RAB3B: variants seen among roughly 807,000 people sequenced by gnomAD.
RAB3B encodes the protein RAB3B, member RAS oncogene family, also known as ras-related protein Rab-3B.
RAB3B carries 11 observed loss-of-function variants against 20.5 expected under a neutral mutation model. The ratio of observed to expected loss-of-function variants is 0.54; its 90% CI spans 0.34 to 0.89. RAB3B has a LOEUF of 0.89. RAB3B is among the 40% of genes least tolerant of loss of function. The pLI is 0.02. For missense variants in RAB3B, 225 were observed against 280.9 expected (o/e 0.80, Z 1.42); for synonymous variants, 99 against 106.3 (o/e 0.93, Z 0.42).
At chr1:51,980,503 G>C (rs1685072846) in intron 1 of RAB3B, 1 of 716,262 alleles carries the variant, frequency 1.4e-6, no homozygotes, top group Non-Finnish European at 2.6e-6. Context: ...CAATGGTCAT[G>C]CCAAAAAGGC....
chr1:51,933,484 A>C, intron 3 of RAB3B, 42 bp from the exon 4 acceptor site: 1 of 1,568,530 alleles, frequency 6.4e-7, no homozygotes, highest in Non-Finnish European at 8.7e-7. Context: ...ATATTCCTAT[A>C]GACTGAATGT....
chr1:51,942,947 T>C lies in RAB3B; in HGVS notation c.229-5535A>G, dbSNP rs139133179. Among the ~76,000 whole-genome samples the C allele has an allele frequency of 2.0e-3, 310 of 152,312 alleles. 1 individual carries two copies. Among genetic ancestry groups the C allele is most frequent in the African/African-American group, 7.1e-3 (296 of 41,564 alleles). On this transcript the variant is annotated intron_variant, in intron 2 of 4. Coordinates refer to ENST00000371655, the MANE Select transcript of RAB3B (RefSeq NM_002867.4). ...CTATTGTAATTGCTTTGGGGTGCCATGAACCACACCCATATTAAGGCAGTG... is the reference window on the plus strand; with the variant it reads ...CTATTGTAATTGCTTTGGGGTGCCACGAACCACACCCATATTAAGGCAGTG...
At chr1:51,957,070 T>C (rs1001312639) in intron 2 of RAB3B, among the ~76,000 whole-genome samples, 1 of 147,698 alleles carries the variant, frequency 6.8e-6, no homozygotes, top group Non-Finnish European at 1.5e-5. Flanking sequence ...ATAAACTCTT[T>C]TCATGGTTTT....
intron 1 of RAB3B, among the ~76,000 whole-genome samples, chr1:51,990,118 C>G (rs1336565486): frequency 7.2e-5 from 9 of 125,848 alleles, no homozygotes; most frequent in Non-Finnish European, 1.2e-4. Flanking sequence ...CACCCCCGCT[C>G]TAGCTCCCCT....
Position 51,912,120 on chromosome 1 carries a change from CTTT to C in RAB3B, c.*7804_*7806del, listed in dbSNP as rs958329774. 15 of 131,836 alleles carry C rather than the reference CTTT, an allele frequency of 1.1e-4. No homozygotes were observed. Among genetic ancestry groups the C allele is most frequent in the African/African-American group, 1.4e-4 (5 of 35,732 alleles). The allele number at this position is 131,836 out of a possible 1,614,324, so 8.2% of individuals were successfully genotyped here. A position where few individuals can be genotyped will look rare whatever the true frequency, so the allele number is the denominator to read the frequency against. On this transcript the variant is annotated 3_prime_UTR_variant, in exon 5 of 5. Transcript: ENST00000371655. Reference sequence around the variant, plus strand: ...TCTTCTTTTTTTTCTTTCTTTCTTTCTTTTTTTTTTTTTTTTGAGAGGGGGACA... The same window carrying C: ...TCTTCTTTTTTTTCTTTCTTTCTTTCTTTTTTTTTTTTTGAGAGGGGGACA...
intron 3 of RAB3B, among the ~76,000 whole-genome samples, chr1:51,934,810 T>C (rs1042269455): frequency 4.0e-5 from 6 of 151,472 alleles, no homozygotes; most frequent in Non-Finnish European, 8.8e-5. Context: ...CTTTTCAAAT[T>C]TCTGTACTTT....
intron 2 of RAB3B, among the ~76,000 whole-genome samples, chr1:51,972,110 G>A (rs541474060): frequency 3.3e-5 from 5 of 152,310 alleles, no homozygotes; most frequent in African/African-American, 1.2e-4. Context: ...GGGAGGTGGA[G>A]GTTGCAGTGA....
Position 51,976,729 on chromosome 1 carries a change from T to C in RAB3B, c.228+161A>G, listed in dbSNP as rs139096265. 7.2e-5 allele frequency among the ~76,000 whole-genome samples: 11 copies of C among 152,252 alleles called. No homozygotes were observed. In the East Asian group the frequency reaches 2.1e-3, roughly 29 times the overall value. On this transcript the variant is annotated intron_variant, in intron 2 of 4. Coordinates refer to ENST00000371655, the MANE Select transcript of RAB3B (RefSeq NM_002867.4). ...GAACCCCTGGAGGAGAGCAAACTTG[T>C]ATAAAACTAGCAGAGGGTAGCCCAG... is the stretch of plus-strand genomic sequence containing the variant.
chr1:51,989,472 A>C (rs1468299901), intron 1 of RAB3B, among the ~76,000 whole-genome samples: 1 of 151,794 alleles, frequency 6.6e-6, no homozygotes, highest in African/African-American at 2.4e-5. Flanking sequence ...AGTGGCCGAG[A>C]CACCGCTAGT....
chr1:51,957,928 T>G lies in RAB3B; in HGVS notation c.228+18962A>C, dbSNP rs192776221. The stretch of plus-strand genomic sequence containing the variant: ...AACACACCGGTGGGGGAGGCCGGTA[T>G]CCTGAGAGGACATATTCTCTCCTCA... On this transcript the variant is annotated intron_variant, in intron 2 of 4. Coordinates refer to ENST00000371655, the MANE Select transcript of RAB3B (RefSeq NM_002867.4). Among the ~76,000 whole-genome samples the G allele has an allele frequency of 2.6e-5, 4 of 152,338 alleles. No individual in the cohort carries two copies. The East Asian group carries it at 7.7e-4, about 29-fold the overall frequency.
chr1:51,920,143 C>G, intron 4 of RAB3B, 29 bp from the exon 5 acceptor site: 1 of 1,573,870 alleles, frequency 6.4e-7, no homozygotes, highest in Non-Finnish European at 8.7e-7. Flanking sequence ...CAGATAAGGA[C>G]TTTTCCCATC....
In RAB3B at chr1:51,909,892, T is replaced by C. The variant is rs41293261; in HGVS notation, c.*10035A>G. Reference sequence around the variant, plus strand: ...GATTTGCCTGCCTAGCTCTGCCTGATTGGGATTACACATTGTGTAGTGCCA... The same window carrying C: ...GATTTGCCTGCCTAGCTCTGCCTGACTGGGATTACACATTGTGTAGTGCCA... On this transcript the variant is annotated 3_prime_UTR_variant, in exon 5 of 5. Coordinates refer to ENST00000371655, the MANE Select transcript of RAB3B (RefSeq NM_002867.4). The C allele has an allele frequency of 0.044, 6,699 of 152,308 alleles. 210 individuals are homozygous for C. The highest frequency in any genetic ancestry group is 0.064 in the Non-Finnish European group (4,367 of 68,062). 9.4% of individuals were successfully genotyped at this position (152,308 alleles called of 1,614,324 possible). A position where few individuals can be genotyped will look rare whatever the true frequency, so the allele number is the denominator to read the frequency against.
chr1:51,977,054 T>A lies in RAB3B; in HGVS notation c.64A>T (p.Met22Leu), dbSNP rs1685020144. ...TTGCCAATGATAAGCAGTTTAAACA[T>A]GTAGTCAAAATTCTGGTCAGAGGCA... The part of the protein sequence containing the change: ...KDASDQNFDY[M>L]FKLLIIGNSS... The change falls in exon 2 of 5, where the codon ATG becomes TTG. Residue 22 changes from methionine to leucine, a missense_variant. Coordinates refer to ENST00000371655, the MANE Select transcript of RAB3B (RefSeq NM_002867.4). The A allele has an allele frequency of 6.2e-7, 1 of 1,614,092 alleles. No homozygotes were observed. The highest frequency in any genetic ancestry group is 1.3e-5 in the African/African-American group (1 of 74,934).
At chr1:51,979,573 A>G (rs1359889693) in intron 1 of RAB3B, among the ~76,000 whole-genome samples, 2 of 151,928 alleles carry the variant, frequency 1.3e-5, no homozygotes, top group African/African-American at 2.4e-5. Flanking sequence ...ACCTGGCCAC[A>G]TTATGCTTTT....
chr1:51,971,409 T>C (rs1200700671), intron 2 of RAB3B, among the ~76,000 whole-genome samples: 2 of 151,856 alleles, frequency 1.3e-5, no homozygotes, highest in Non-Finnish European at 2.9e-5. Context: ...CTATACAGTA[T>C]ACACTATGCT....
At chr1:51,981,970 G>A (rs1050518633) in intron 1 of RAB3B, among the ~76,000 whole-genome samples, 13 of 152,118 alleles carry the variant, frequency 8.5e-5, no homozygotes, top group African/African-American at 3.1e-4. Flanking sequence ...TTATTTTAGA[G>A]TGTACTTTTT....
At chr1:51,986,448 C>A (rs1685153571) in intron 1 of RAB3B, among the ~76,000 whole-genome samples, 3 of 151,938 alleles carry the variant, frequency 2.0e-5, no homozygotes, top group Non-Finnish European at 1.5e-5. Context: ...CCGCGCCCAG[C>A]CAAAAAAAGT....
At chr1:51,975,991 TA>T (rs747925765) in intron 2 of RAB3B, among the ~76,000 whole-genome samples, 477 of 135,242 alleles carry the variant, frequency 3.5e-3, no homozygotes, top group Middle Eastern at 0.015. Flanking sequence ...GACTCCGTCT[TA>T]AAAAAAAAAA....
chr1:51,977,969 CTAAT>C (rs1685032091), intron 1 of RAB3B, among the ~76,000 whole-genome samples: 2 of 152,320 alleles, frequency 1.3e-5, no homozygotes, highest in South Asian at 4.1e-4. Context: ...TCCCTTAGAT[CTAAT>C]TACACACTTT....
Sources: allele counts gnomAD v4.1 joint callset (sites outside exome capture counted in the v4.1 genomes callset), GRCh38; gene constraint gnomAD v4.1.1; transcripts MANE v1.5; gene names NCBI Gene and HGNC (gene_info 2026-07-23, HGNC 2026-07-21).